The following RELB variants were observed in gnomAD, a reference collection of about 807,000 sequenced individuals.
RELB encodes the protein transcription factor RelB.
RELB carries 14 observed loss-of-function variants against 55.4 expected under a neutral mutation model. The ratio of observed to expected loss-of-function variants is 0.25; its 90% confidence interval spans 0.17 to 0.40. The LOEUF is 0.40. Among genes scored for constraint, RELB ranks in the 10% least tolerant of loss-of-function variants. The probability of loss-of-function intolerance (pLI) is 1.00; values close to 1 mark genes in which losing one functional copy is unlikely to be tolerated. For synonymous variants in RELB, 409 were observed against 371.3 expected, an observed-to-expected ratio of 1.10 and a Z score of -1.17; for missense variants, 669 against 830.7, an observed-to-expected ratio of 0.81 and a Z score of 2.39.
chr19:45,031,881 G>T (rs975614149), intron 8 of RELB, among the ~76,000 whole-genome samples: 2 of 151,700 alleles, frequency 1.3e-5, no homozygotes, highest in African/African-American at 2.4e-5. Context: ...TGGCAAGGGG[G>T]ATATTAATTC....
At chr19:45,034,143 A>G (rs1023562397) in intron 9 of RELB, 101 bp from the exon 10 acceptor site, 3 of 955,880 alleles carry the variant, frequency 3.1e-6, no homozygotes, top group Non-Finnish European at 4.6e-6. Flanking sequence ...TGGTCAACAG[A>G]GCAAGACTGT....
intron 2 of RELB, among the ~76,000 whole-genome samples, chr19:45,006,920 A>C (rs1253219573): frequency 4.0e-5 from 6 of 148,898 alleles, no homozygotes; most frequent in African/African-American, 1.5e-4. Flanking sequence ...GCATCATTGC[A>C]CTCCAGCCTG....
intron 3 of RELB, 24 bp downstream of exon 3, chr19:45,009,846 C>A: frequency 1.3e-6 from 2 of 1,588,764 alleles, no homozygotes; most frequent in African/African-American, 1.3e-5. Context: ...GGCAGGTTTG[C>A]GGGGAGGCTG....
In RELB at chr19:45,025,335, C is replaced by T; in HGVS notation, c.669C>T (p.Asn223=). Residue 223 remains asparagine (N), a synonymous_variant, in exon 6 of 12, where the codon AAC becomes AAT. Coordinates refer to ENST00000221452, the MANE Select transcript of RELB (RefSeq NM_006509.4). ...RPHVSPRHSF[N]NLGIQCVRKK... is the part of the protein sequence containing the mutation. ...TCCCCCGTCACCCCCTCAGTTTTAA[C>T]AACCTGGGCATCCAGTGTGTGAGGA... 5.6e-6 allele frequency: 9 copies of T among 1,610,488 alleles called. No homozygotes were observed. The highest frequency in any genetic ancestry group is 6.8e-6 in the Non-Finnish European group (8 of 1,178,514).
chr19:45,024,310 C>T (rs1971786), intron 5 of RELB, among the ~76,000 whole-genome samples: 107,796 of 151,766 alleles, frequency 0.71, 40,518 homozygotes, highest in South Asian at 0.84. Context: ...TACAGGCACC[C>T]GCCACCATGC....
chr19:45,005,516 C>A (rs1971271976), intron 2 of RELB, among the ~76,000 whole-genome samples: 1 of 152,106 alleles, frequency 6.6e-6, no homozygotes, highest in African/African-American at 2.4e-5. Context: ...AGAAGTGAGG[C>A]CGGTTCCCCA....
chr19:45,020,031 T>C (rs939338752), intron 4 of RELB, among the ~76,000 whole-genome samples: 1 of 152,094 alleles, frequency 6.6e-6, no homozygotes, highest in African/African-American at 2.4e-5. Context: ...GCGTCGGGAT[T>C]ACAGGCGTGA....
rs143659816 is a variant in RELB, at chr19:45,032,129, G to A, written c.992-405G>A. Among the ~76,000 whole-genome samples the A allele has an allele frequency of 9.9e-5, 15 of 151,812 alleles. No individual in the cohort carries two copies. In the East Asian group the frequency reaches 2.6e-3, roughly 26 times the overall value. On this transcript the variant is annotated intron_variant, in intron 8 of 11. Transcript: ENST00000221452. ...CACATGCCTATAATCCCAGCTACTC[G>A]GGAGACTGAGGCAGGAGAATTACTT...
At position 45,018,965 on chromosome 19, in the gene RELB, G is replaced by C. The variant is rs542971883; in HGVS notation, c.505-3088G>C. ...AGCCACCGCGCTCGGCTGAAAGCTA[G>C]TGCCTTTCATCTATATTCACCAGTT... On this transcript the variant is annotated intron_variant, in intron 4 of 11. Coordinates refer to ENST00000221452, the MANE Select transcript of RELB (RefSeq NM_006509.4). 2.1e-3 allele frequency among the ~76,000 whole-genome samples: 318 copies of C among 152,262 alleles called. 1 individual carries two copies. Among genetic ancestry groups the C allele is most frequent in the Middle Eastern group, 6.8e-3 (2 of 294 alleles).
chr19:45,012,340 C>A, intron 4 of RELB, 64 bp downstream of exon 4: 1 of 1,027,232 alleles, frequency 9.7e-7, no homozygotes, highest in Non-Finnish European at 1.3e-6. Flanking sequence ...CGGAGCCATC[C>A]ACATGCATTT....
chr19:45,034,611 C>T, intron 11 of RELB, 83 bp downstream of exon 11: 1 of 1,214,202 alleles, frequency 8.2e-7, no homozygotes, highest in Non-Finnish European at 1.2e-6. Flanking sequence ...CCTCTTCACG[C>T]CCTCCAAGAG....
Position 45,007,010 on chromosome 19 carries a change from T to C in RELB, c.155-2804T>C, listed in dbSNP as rs74394107. Among the ~76,000 whole-genome samples, 1,004 of 149,948 alleles carry C rather than the reference T, an allele frequency of 6.7e-3. 10 individuals carry two copies. The highest frequency in any genetic ancestry group is 0.023 in the African/African-American group (958 of 40,838). ...ACAAAGGCACCTGACTTTGAGGGAC[T>C]GGAGTGGGGGATAAGGGGACTCTCT... On this transcript the variant is annotated intron_variant, in intron 2 of 11. Transcript: ENST00000221452.
intron 1 of RELB, 49 bp from the exon 2 acceptor site, chr19:45,002,900 C>T (rs760160292): frequency 1.5e-5 from 23 of 1,533,222 alleles, no homozygotes; most frequent in East Asian, 4.5e-5. Context: ...ATTCTCTGGT[C>T]CTCTGGCTGC....
rs372931620 is a variant in RELB at position 45,034,285 on chromosome 19, G to A, written c.1249G>A (p.Asp417Asn). ...VDKKRKRGMP[D>N]VLGELNSSDP... is the part of the protein sequence containing the mutation. Reference sequence around the variant, plus strand: ...CAAGAAGCGGAAACGGGGGATGCCCGACGTCCTTGGGGAGCTGAACAGCTC... The same window carrying A: ...CAAGAAGCGGAAACGGGGGATGCCCAACGTCCTTGGGGAGCTGAACAGCTC... Residue 417 changes from aspartate to asparagine, a missense_variant, in exon 10 of 12, where the codon GAC becomes AAC. Around this residue, in one of 3 missense-constraint regions of RELB, gnomAD observed 341 missense variants for 436.8 expected, o/e 0.78. Transcript: ENST00000221452. 336 of 1,613,998 alleles carry A rather than the reference G, an allele frequency of 2.1e-4. 3 individuals are homozygous for A. The South Asian group carries it at 3.1e-3, about 15-fold the overall frequency.
chr19:45,007,251 C>T (rs1971293325), intron 2 of RELB, among the ~76,000 whole-genome samples: 1 of 152,010 alleles, frequency 6.6e-6, no homozygotes, highest in South Asian at 2.1e-4. Flanking sequence ...TGAATGGTGG[C>T]AAGTCCACGT....
At chr19:45,019,348 GC>G (rs1237045374) in intron 4 of RELB, among the ~76,000 whole-genome samples, 1 of 152,142 alleles carries the variant, frequency 6.6e-6, no homozygotes, top group African/African-American at 2.4e-5. Flanking sequence ...ACAGGTGTGA[GC>G]CACCACGCCT....
chr19:45,012,301 C>G, intron 4 of RELB, 25 bp downstream of exon 4: 2 of 1,338,188 alleles, frequency 1.5e-6, no homozygotes, highest in Non-Finnish European at 1.9e-6. Context: ...CGGCCCCGGG[C>G]GGGTGGGACT....
In RELB at chr19:45,022,230, C is replaced by T. The variant is rs1448927429; in HGVS notation, c.662+20C>T. 2.5e-6 allele frequency: 4 copies of T among 1,574,220 alleles called. No individual in the cohort carries two copies. Among genetic ancestry groups the T allele is most frequent in the South Asian group, 1.1e-5 (1 of 88,458 alleles). On this transcript the variant is annotated intron_variant, in intron 5 of 11. Coordinates refer to ENST00000221452, the MANE Select transcript of RELB (RefSeq NM_006509.4). ...GCACAGGTACCCACCCCCTGACCTCCGACCTCTCATCCTTGATCATGGAGA... is the reference window on the plus strand; with the variant it reads ...GCACAGGTACCCACCCCCTGACCTCTGACCTCTCATCCTTGATCATGGAGA...
At chr19:45,021,573 CTTTTTTTTTTT>C (rs748646881) in intron 4 of RELB, among the ~76,000 whole-genome samples, 3 of 91,348 alleles carry the variant, frequency 3.3e-5, no homozygotes, top group Non-Finnish European at 5.9e-5. Context: ...TCAAAGTGGC[CTTTTTTTTTTT>C]TTTTTTTTTT....
Sources: allele counts gnomAD v4.1 joint callset (sites outside exome capture counted in the v4.1 genomes callset), GRCh38; gene constraint gnomAD v4.1.1; regional missense constraint gnomAD v4.1.1; transcripts MANE v1.5; gene names NCBI Gene and HGNC (gene_info 2026-07-23, HGNC 2026-07-21).